Variants in PLXDC2 observed in about 807,000 individuals in gnomAD.
PLXDC2 encodes plexin domain-containing protein 2.
In PLXDC2, 40 loss-of-function variants were observed where a neutral mutation model predicts 68.9. The observed-to-expected ratio is 0.58, with a 90% CI of 0.45 to 0.76. The LOEUF (loss-of-function observed/expected upper bound fraction) is 0.76. PLXDC2 is among the 30% of genes least tolerant of loss of function. The pLI is 0.00. For synonymous variants in PLXDC2, 243 were observed against 234.2 expected (o/e 1.04, Z -0.34); for missense variants, 644 against 661.9 (o/e 0.97, Z 0.30).
chr10:19,881,374 C>G (rs1182938908), intron 1 of PLXDC2, among the ~76,000 whole-genome samples: 15 of 152,070 alleles, frequency 9.9e-5, no homozygotes. Context: ...CCTTGGCTTC[C>G]CAAAGTGCTG....
intron 4 of PLXDC2, among the ~76,000 whole-genome samples, chr10:20,097,199 A>G (rs996412168): frequency 5.9e-5 from 9 of 152,150 alleles, no homozygotes; most frequent in African/African-American, 1.4e-4. Context: ...GTCTTATTTC[A>G]CCAAGAAATA....
chr10:20,165,080 C>T (rs2131815561), intron 7 of PLXDC2, among the ~76,000 whole-genome samples: 1 of 152,268 alleles, frequency 6.6e-6, no homozygotes, highest in Middle Eastern at 3.4e-3. Flanking sequence ...GCCTCAGCCT[C>T]CCAAAGTGCT....
chr10:19,993,288 T>C (rs1162543601), intron 1 of PLXDC2, among the ~76,000 whole-genome samples: 1 of 149,044 alleles, frequency 6.7e-6, no homozygotes, highest in Non-Finnish European at 1.5e-5. Flanking sequence ...TGGCATACTT[T>C]ATATTTTCCA....
At chr10:19,827,877 T>C (rs1836604197) in intron 1 of PLXDC2, among the ~76,000 whole-genome samples, 1 of 152,198 alleles carries the variant, frequency 6.6e-6, no homozygotes, top group Non-Finnish European at 1.5e-5. Context: ...AAATTGTTAA[T>C]AGTGACTATT....
intron 3 of PLXDC2, among the ~76,000 whole-genome samples, chr10:20,067,910 T>A (rs1836241423): frequency 6.8e-6 from 1 of 147,942 alleles, no homozygotes; most frequent in Middle Eastern, 3.2e-3. Flanking sequence ...AAGTTGCTCA[T>A]CATCAAGAAT....
At chr10:19,970,020 C>A (rs1834325062) in intron 1 of PLXDC2, among the ~76,000 whole-genome samples, 1 of 152,116 alleles carries the variant, frequency 6.6e-6, no homozygotes, top group Non-Finnish European at 1.5e-5. Flanking sequence ...AATGAAGAAG[C>A]AATAGAGGGC....
intron 12 of PLXDC2, among the ~76,000 whole-genome samples, chr10:20,232,544 GA>G (rs911628679): frequency 1.4e-4 from 21 of 151,922 alleles, no homozygotes; most frequent in South Asian, 6.2e-4. Flanking sequence ...CTACTCAGCA[GA>G]AAAAAAATAT....
At chr10:19,923,951 C>T (rs1156884323) in intron 1 of PLXDC2, among the ~76,000 whole-genome samples, 2 of 152,096 alleles carry the variant, frequency 1.3e-5, no homozygotes, top group Non-Finnish European at 1.5e-5. Flanking sequence ...GTAGTCCCCA[C>T]TCCTTGGGAG....
intron 1 of PLXDC2, among the ~76,000 whole-genome samples, chr10:19,870,639 TG>T (rs1360288047): frequency 6.6e-6 from 1 of 152,168 alleles, no homozygotes; most frequent in East Asian, 1.9e-4. Context: ...TTGGCCAGGC[TG>T]GTCTTGAACT....
chr10:19,923,334 T>A (rs2131382656), intron 1 of PLXDC2, among the ~76,000 whole-genome samples: 1 of 152,304 alleles, frequency 6.6e-6, no homozygotes, highest in East Asian at 1.9e-4. Flanking sequence ...CATAAAGTAT[T>A]GCCTAGTTAG....
At chr10:19,939,497 T>C (rs1324129912) in intron 1 of PLXDC2, among the ~76,000 whole-genome samples, 1 of 151,744 alleles carries the variant, frequency 6.6e-6, no homozygotes, top group Non-Finnish European at 1.5e-5. Context: ...TTCTCCAAGA[T>C]GCCAAAAAAA....
At chr10:19,904,034 C>T (rs745390294) in intron 1 of PLXDC2, among the ~76,000 whole-genome samples, 19 of 152,092 alleles carry the variant, frequency 1.2e-4, no homozygotes, top group South Asian at 6.2e-4. Flanking sequence ...TATTCCACTA[C>T]GATCTGGGAG....
intron 4 of PLXDC2, among the ~76,000 whole-genome samples, chr10:20,131,605 G>C (rs1262375905): frequency 6.6e-6 from 1 of 151,928 alleles, no homozygotes; most frequent in Non-Finnish European, 1.5e-5. Context: ...TCATCATATT[G>C]GTCAGGCTGG....
At chr10:20,020,178 AT>A (rs71388889) in intron 2 of PLXDC2, among the ~76,000 whole-genome samples, 12,658 of 107,092 alleles carry the variant, frequency 0.12, 1,100 homozygotes, top group African/African-American at 0.33. Flanking sequence ...CACCCAGCAA[AT>A]TTTTTTTTTT....
At chr10:19,961,524 C>T (rs1024886957) in intron 1 of PLXDC2, among the ~76,000 whole-genome samples, 1 of 152,208 alleles carries the variant, frequency 6.6e-6, no homozygotes, top group African/African-American at 2.4e-5. Context: ...GAGGGTTCAG[C>T]AGGAATCGTT....
chr10:20,209,611 G>A (rs146698128), intron 9 of PLXDC2, among the ~76,000 whole-genome samples: 2,356 of 151,998 alleles, frequency 0.016, 74 homozygotes, highest in African/African-American at 0.053. Context: ...GCTGTGTTCC[G>A]CCCGGCTCAC....
intron 1 of PLXDC2, among the ~76,000 whole-genome samples, chr10:19,917,275 A>G (rs1833385301): frequency 6.6e-6 from 1 of 152,112 alleles, no homozygotes; most frequent in Middle Eastern, 3.4e-3. Context: ...ACTGTGTTCA[A>G]TTTTTTGGTA....
At chr10:20,223,972 A>ATTTT (rs10561584) in intron 12 of PLXDC2, among the ~76,000 whole-genome samples, 1 of 133,448 alleles carries the variant, frequency 7.5e-6, no homozygotes. Flanking sequence ...CCTAGAATGT[A>ATTTT]TTTTTTTTTT....
At chr10:19,899,420 A>G (rs561984723) in intron 1 of PLXDC2, among the ~76,000 whole-genome samples, 1 of 152,324 alleles carries the variant, frequency 6.6e-6, no homozygotes, top group East Asian at 1.9e-4. Context: ...CTGATAATTA[A>G]ACATTTTGGC....
Sources: gnomAD v4.1 joint callset for allele counts (sites outside exome capture counted in the v4.1 genomes callset) on GRCh38, gnomAD v4.1.1 for gene constraint, MANE v1.5 for transcripts, NCBI Gene and HGNC (gene_info 2026-07-23, HGNC 2026-07-21) for gene names.